Variants in BNC2 observed in about 807,000 individuals in gnomAD.
BNC2 encodes the protein zinc finger protein basonuclin-2.
BNC2 carries 20 observed loss-of-function variants against 76.3 expected under a neutral mutation model. The observed-to-expected ratio is 0.26, with a 90% confidence interval of 0.18 to 0.38. The LOEUF is 0.38. BNC2 is among the 10% of genes least tolerant of loss of function. The probability of loss-of-function intolerance (pLI) is 1.00; values close to 1 mark genes in which losing one functional copy is unlikely to be tolerated. For missense variants in BNC2, 1,382 were observed against 1,399.8 expected (o/e 0.99, Z 0.20); for synonymous variants, 582 against 514.8 (o/e 1.13, Z -1.77).
chr9:16,526,052 T>C (rs904917683), intron 5 of BNC2, among the ~76,000 whole-genome samples: 10 of 152,168 alleles, frequency 6.6e-5, no homozygotes, highest in African/African-American at 1.9e-4. Context: ...CCTACAGACA[T>C]AACCTGTCCT....
At chr9:16,631,747 A>C (rs1821167828) in intron 3 of BNC2, among the ~76,000 whole-genome samples, 1 of 152,206 alleles carries the variant, frequency 6.6e-6, no homozygotes, top group South Asian at 2.1e-4. Flanking sequence ...AAATTCAAAT[A>C]ATTTATCACG....
At chr9:16,571,474 T>C (rs1341826846) in intron 4 of BNC2, among the ~76,000 whole-genome samples, 2 of 152,140 alleles carry the variant, frequency 1.3e-5, no homozygotes, top group African/African-American at 4.8e-5. Flanking sequence ...AGCTACTCGG[T>C]TTATGTAGCC....
intron 4 of BNC2, chr9:16,580,269 C>T (rs1216668747): frequency 2.5e-6 from 1 of 397,456 alleles, no homozygotes; most frequent in African/African-American, 2.1e-5. Context: ...TATTTGGCCT[C>T]ATGAATGGGG....
intron 5 of BNC2, among the ~76,000 whole-genome samples, chr9:16,506,980 C>A (rs1006121754): frequency 5.9e-5 from 9 of 152,108 alleles, no homozygotes; most frequent in Non-Finnish European, 1.0e-4. Context: ...GTCTTGAACT[C>A]CTGACCTCAG....
At chr9:16,864,165 C>G (rs977620175) in intron 1 of BNC2, among the ~76,000 whole-genome samples, 9 of 152,100 alleles carry the variant, frequency 5.9e-5, no homozygotes, top group African/African-American at 2.2e-4. Flanking sequence ...TCTAAAGAAC[C>G]AGGCTATGCT....
intron 1 of BNC2, among the ~76,000 whole-genome samples, chr9:16,761,210 T>C (rs1385319632): frequency 6.6e-6 from 1 of 152,112 alleles, no homozygotes; most frequent in Non-Finnish European, 1.5e-5. Context: ...ATTGTGCCAC[T>C]GCACTCCAGC....
At chr9:16,798,446 T>C (rs2135729162) in intron 1 of BNC2, among the ~76,000 whole-genome samples, 1 of 152,318 alleles carries the variant, frequency 6.6e-6, no homozygotes, top group Middle Eastern at 3.4e-3. Context: ...AGGAAAATAT[T>C]ATTTGTATCC....
chr9:16,467,400 C>T (rs1205272879), intron 5 of BNC2, among the ~76,000 whole-genome samples: 12 of 149,454 alleles, frequency 8.0e-5, no homozygotes, highest in African/African-American at 2.0e-4. Context: ...TATTGCGGCA[C>T]TATTCACAAT....
chr9:16,730,233 C>T (rs57141730), intron 2 of BNC2, among the ~76,000 whole-genome samples: 7,227 of 152,108 alleles, frequency 0.048, 559 homozygotes, highest in African/African-American at 0.16. Flanking sequence ...ATGTCAAAGC[C>T]GATATAATTA....
At chr9:16,788,652 T>C (rs143425507) in intron 1 of BNC2, among the ~76,000 whole-genome samples, 4 of 151,274 alleles carry the variant, frequency 2.6e-5, no homozygotes, top group Non-Finnish European at 5.9e-5. Flanking sequence ...AAATTCTTGG[T>C]GGTGATATGG....
intron 5 of BNC2, among the ~76,000 whole-genome samples, chr9:16,440,293 T>A (rs1008607253): frequency 6.6e-6 from 1 of 152,158 alleles, no homozygotes; most frequent in Non-Finnish European, 1.5e-5. Context: ...TGTCATTCCA[T>A]GATGCCATTC....
Position 16,540,156 on chromosome 9 carries a change from ATTTTTTT to A in BNC2, c.669+12367_669+12373del, listed in dbSNP as rs36075261. Among the ~76,000 whole-genome samples, 137 of 118,470 alleles carry A rather than the reference ATTTTTTT, an allele frequency of 1.2e-3. 1 individual carries two copies. The Middle Eastern group carries it at 0.015, about 13-fold the overall frequency. The allele number at this position is 118,470 out of a possible 152,430, so 77.7% of individuals were successfully genotyped here. A position where few individuals can be genotyped will look rare whatever the true frequency, so the allele number is the denominator to read the frequency against. On this transcript the variant is annotated intron_variant, in intron 5 of 6. Coordinates refer to ENST00000380672, the MANE Select transcript of BNC2 (RefSeq NM_017637.6). Reference sequence around the variant, plus strand: ...CGCAACCATGCAACTATTTAACGTGATTTTTTTTTTTTTTTTTTTTTTTGGTAACTGC... The same window carrying A: ...CGCAACCATGCAACTATTTAACGTGATTTTTTTTTTTTTTTTGGTAACTGC...
intron 2 of BNC2, among the ~76,000 whole-genome samples, chr9:16,736,170 G>A (rs1824661348): frequency 6.6e-6 from 1 of 150,594 alleles, no homozygotes; most frequent in Non-Finnish European, 1.5e-5. Flanking sequence ...GGAGGCAGAG[G>A]TTGCAGTGAC....
chr9:16,463,167 G>C (rs1385501782), intron 5 of BNC2, among the ~76,000 whole-genome samples: 3 of 152,146 alleles, frequency 2.0e-5, no homozygotes, highest in Non-Finnish European at 4.4e-5. Flanking sequence ...CACAGAAAAT[G>C]AGACAGGAGT....
chr9:16,749,257 CT>C (rs1335661268), intron 1 of BNC2, among the ~76,000 whole-genome samples: 2 of 152,166 alleles, frequency 1.3e-5, no homozygotes, highest in Non-Finnish European at 2.9e-5. Context: ...AATAAGCACT[CT>C]CTTACAAAAG....
chr9:16,668,238 C>G (rs1184269999), intron 3 of BNC2, among the ~76,000 whole-genome samples: 4 of 152,202 alleles, frequency 2.6e-5, no homozygotes, highest in African/African-American at 2.4e-5. Flanking sequence ...GCCTCCTGAG[C>G]AGCTGAGACT....
chr9:16,497,365 G>C (rs1049352932), intron 5 of BNC2, among the ~76,000 whole-genome samples: 1 of 152,310 alleles, frequency 6.6e-6, no homozygotes, highest in African/African-American at 2.4e-5. Flanking sequence ...AGCACTGAAA[G>C]TTTTAATAAT....
rs367604300 is a variant in BNC2, at chr9:16,606,821, G to A, written c.331-23736C>T. ...GATCCACTCACCTGGGCCTCCCAAC[G>A]TGCTGGGATTAGAGGTGTGAGCCAC... On this transcript the variant is annotated intron_variant, in intron 3 of 6. Coordinates refer to ENST00000380672, the MANE Select transcript of BNC2 (RefSeq NM_017637.6). Among the ~76,000 whole-genome samples the A allele has an allele frequency of 7.9e-5, 12 of 152,326 alleles. No individual in the cohort carries two copies. In the East Asian group the frequency reaches 1.4e-3, roughly 17 times the overall value.
In BNC2 at chr9:16,785,949, C is replaced by G. The variant is rs148804168; in HGVS notation, c.4-47464G>C. Among the ~76,000 whole-genome samples, 894 of 152,156 alleles carry G rather than the reference C, an allele frequency of 5.9e-3. 9 individuals are homozygous for G. Among genetic ancestry groups the G allele is most frequent in the African/African-American group, 0.02 (845 of 41,496 alleles). On this transcript the variant is annotated intron_variant, in intron 1 of 6. Transcript: ENST00000380672. ...GGGCCTGTGCACCTATTTAGAAGAA[C>G]TGGAGCTTGCTGGTCCTCTGAGGAA...
Sources: gnomAD v4.1 joint callset for allele counts (sites outside exome capture counted in the v4.1 genomes callset) on GRCh38, gnomAD v4.1.1 for gene constraint, MANE v1.5 for transcripts, NCBI Gene and HGNC (gene_info 2026-07-23, HGNC 2026-07-21) for gene names.